The following TSPAN5 variants were observed in gnomAD, a reference collection of about 807,000 sequenced individuals.
TSPAN5 encodes the protein tetraspanin 5, also known as tetraspanin-5.
Under a neutral mutation model 37.1 loss-of-function variants are expected in TSPAN5, and 10 were observed. The observed-to-expected ratio is 0.27, with a 90% CI of 0.17 to 0.46. TSPAN5 has a LOEUF of 0.46. Ranked by LOEUF, TSPAN5 falls within the 20% of genes least tolerant of loss-of-function variation. The pLI, the probability that TSPAN5 is intolerant of heterozygous loss-of-function variation, is 1.00. For synonymous variants in TSPAN5, 110 were observed against 118.9 expected (o/e 0.93, Z 0.48); for missense variants, 195 against 326.6 (o/e 0.60, Z 3.11).
chr4:98,571,061 G>C (rs1420152255), intron 1 of TSPAN5, among the ~76,000 whole-genome samples: 1 of 151,948 alleles, frequency 6.6e-6, no homozygotes, highest in Non-Finnish European at 1.5e-5. Context: ...CTCACTCAGA[G>C]GTCAATGGAC....
chr4:98,516,139 C>T (rs1163154598), intron 1 of TSPAN5, among the ~76,000 whole-genome samples: 2 of 152,190 alleles, frequency 1.3e-5, no homozygotes, highest in Non-Finnish European at 2.9e-5. Context: ...CCATCTACAT[C>T]CCCCTTTCTG....
chr4:98,485,670 T>A (rs936687377), intron 3 of TSPAN5: 1 of 151,502 alleles, frequency 6.6e-6, no homozygotes, highest in African/African-American at 2.4e-5. Flanking sequence ...TTCTCAGGGA[T>A]GTTTAAGAAA....
At chr4:98,509,211 G>A (rs1753549950) in intron 1 of TSPAN5, among the ~76,000 whole-genome samples, 1 of 152,210 alleles carries the variant, frequency 6.6e-6, no homozygotes, top group Non-Finnish European at 1.5e-5. Flanking sequence ...GTTAATGTGA[G>A]GAAAGTGGTC....
At chr4:98,535,283 G>A (rs937220398) in intron 1 of TSPAN5, among the ~76,000 whole-genome samples, 6 of 151,990 alleles carry the variant, frequency 3.9e-5, no homozygotes, top group Admixed American at 6.6e-5. Flanking sequence ...TTTCTCCTTC[G>A]CTTATGAAGC....
intron 1 of TSPAN5, among the ~76,000 whole-genome samples, chr4:98,572,418 A>C (rs1007617385): frequency 1.3e-5 from 2 of 152,224 alleles, no homozygotes; most frequent in African/African-American, 4.8e-5. Flanking sequence ...GCAAATATTT[A>C]ATGTGGCTGT....
At chr4:98,556,038 C>A (rs1167412259) in intron 1 of TSPAN5, among the ~76,000 whole-genome samples, 1 of 52,778 alleles carries the variant, frequency 1.9e-5, no homozygotes, top group Non-Finnish European at 3.8e-5. Context: ...ACACACAGCA[C>A]CCCCACACAC....
chr4:98,528,193 G>A (rs1338555370), intron 1 of TSPAN5, among the ~76,000 whole-genome samples: 3 of 152,130 alleles, frequency 2.0e-5, no homozygotes, highest in South Asian at 2.1e-4. Flanking sequence ...CACTCTGAAC[G>A]ATCTATTCAA....
chr4:98,658,528 C>T lies in TSPAN5; in HGVS notation c.-302G>A. ...CACAAAGCGAGCGCCCGCGTCCGTG[C>T]GCCAGGCGGTCGGTCCGTCGGTTCG... is the stretch of plus-strand genomic sequence containing the variant. On this transcript the variant is annotated 5_prime_UTR_variant, in exon 1 of 8. Transcript: ENST00000305798. The T allele has an allele frequency of 5.2e-6, 1 of 193,584 alleles. No homozygotes were observed. The highest frequency in any genetic ancestry group is 1.0e-5 in the Non-Finnish European group (1 of 95,738). The allele number at this position is 193,584 out of a possible 1,614,324, so 12.0% of individuals were successfully genotyped here. A position where few individuals can be genotyped will look rare whatever the true frequency, so the allele number is the denominator to read the frequency against.
At chr4:98,481,890 T>C (rs1202745475) in intron 4 of TSPAN5, 115 bp downstream of exon 4, 3 of 968,496 alleles carry the variant, frequency 3.1e-6, no homozygotes, top group South Asian at 1.4e-5. Context: ...CAAACACCCA[T>C]GCAGAATAGT....
intron 1 of TSPAN5, among the ~76,000 whole-genome samples, chr4:98,648,443 A>T (rs1289152282): frequency 1.3e-5 from 2 of 152,206 alleles, no homozygotes; most frequent in East Asian, 3.9e-4. Context: ...GTCCAGGACA[A>T]GCAGGGCAAA....
At chr4:98,563,523 T>C (rs930544251) in intron 1 of TSPAN5, among the ~76,000 whole-genome samples, 4 of 152,138 alleles carry the variant, frequency 2.6e-5, no homozygotes, top group African/African-American at 7.2e-5. Context: ...ATTTTCTTCA[T>C]AAAATAACGA....
At chr4:98,636,409 ATGGTGCC>A (rs1263867636) in intron 1 of TSPAN5, among the ~76,000 whole-genome samples, 6 of 152,210 alleles carry the variant, frequency 3.9e-5, no homozygotes, top group Non-Finnish European at 5.9e-5. Flanking sequence ...GGTTCCTATA[ATGGTGCC>A]TAGCTTTAAT....
chr4:98,478,557 C>T, intron 5 of TSPAN5, 128 bp downstream of exon 5: 1 of 1,127,836 alleles, frequency 8.9e-7, no homozygotes, highest in East Asian at 2.4e-5. Flanking sequence ...CCATAACCCC[C>T]TACAGGAGCT....
At chr4:98,652,017 A>G (rs917943211) in intron 1 of TSPAN5, among the ~76,000 whole-genome samples, 38 of 150,234 alleles carry the variant, frequency 2.5e-4, no homozygotes, top group Non-Finnish European at 4.1e-4. Flanking sequence ...CACCCAGCTA[A>G]TTTTTAATTT....
At chr4:98,639,867 A>T (rs973151246) in intron 1 of TSPAN5, among the ~76,000 whole-genome samples, 10 of 152,220 alleles carry the variant, frequency 6.6e-5, no homozygotes, top group African/African-American at 2.2e-4. Context: ...ATCTTTACTT[A>T]GTTAAGGGAA....
intron 1 of TSPAN5, among the ~76,000 whole-genome samples, chr4:98,524,178 C>T (rs1753912484): frequency 6.6e-6 from 1 of 152,172 alleles, no homozygotes; most frequent in South Asian, 2.1e-4. Flanking sequence ...ATAGCATATA[C>T]TATGGGGAAA....
intron 1 of TSPAN5, among the ~76,000 whole-genome samples, chr4:98,508,526 T>C (rs1380468094): frequency 1.3e-5 from 2 of 149,120 alleles, no homozygotes; most frequent in East Asian, 3.9e-4. Flanking sequence ...GTTTTTCTTT[T>C]TTTTTTTTTT....
chr4:98,602,742 A>G (rs1434403016), intron 1 of TSPAN5, among the ~76,000 whole-genome samples: 1 of 152,232 alleles, frequency 6.6e-6, no homozygotes, highest in Admixed American at 6.5e-5. Context: ...AAGCTGATTA[A>G]ATAGACATTT....
At chr4:98,637,145 TA>T (rs1292514094) in intron 1 of TSPAN5, among the ~76,000 whole-genome samples, 2 of 152,168 alleles carry the variant, frequency 1.3e-5, no homozygotes. Context: ...CCATGCAACT[TA>T]AAAGGACTGT....
Sources: allele counts gnomAD v4.1 joint callset (sites outside exome capture counted in the v4.1 genomes callset), GRCh38; gene constraint gnomAD v4.1.1; transcripts MANE v1.5; gene names NCBI Gene and HGNC (gene_info 2026-07-23, HGNC 2026-07-21).